The following CCDC40 variants were observed in gnomAD, a reference collection of about 807,000 sequenced individuals.
CCDC40 encodes the protein coiled-coil domain 40 molecular ruler complex subunit.
CCDC40 carries 104 observed loss-of-function variants against 124.5 expected under a neutral mutation model. The observed-to-expected ratio is 0.84, with a 90% CI of 0.71 to 0.98. The LOEUF (loss-of-function observed/expected upper bound fraction) is 0.98, where lower values mean the gene tolerates loss of function less well. Among genes scored for constraint, CCDC40 ranks in the 50% least tolerant of loss-of-function variants. The probability of loss-of-function intolerance (pLI) is 0.00; values close to 1 mark genes in which losing one functional copy is unlikely to be tolerated. For synonymous variants in CCDC40, 580 were observed against 602.9 expected, an observed-to-expected ratio of 0.96 and a Z score of 0.56; for missense variants, 1,463 against 1,503.9, an observed-to-expected ratio of 0.97 and a Z score of 0.45.
At chr17:80,091,944 T>A (rs935722852) in intron 17 of CCDC40, 5 of 152,074 alleles carry the variant, frequency 3.3e-5, no homozygotes, top group African/African-American at 7.2e-5. Context: ...TTTTTTTTTT[T>A]AATTGAGGTT....
chr17:80,089,660 C>G (rs2038661367), intron 16 of CCDC40, 104 bp from the exon 17 acceptor site: 9 of 1,386,808 alleles, frequency 6.5e-6, no homozygotes, highest in Non-Finnish European at 9.2e-6. Flanking sequence ...CTGCTTGGCT[C>G]TGCCATTGCA....
At chr17:80,083,219 AG>A (rs1216969910) in intron 12 of CCDC40, among the ~76,000 whole-genome samples, 2 of 140,066 alleles carry the variant, frequency 1.4e-5, no homozygotes, top group African/African-American at 5.4e-5. Context: ...GCAGTTGGGG[AG>A]GGGGGAGGCA....
At chr17:80,079,764 A>C (rs2038403127) in intron 10 of CCDC40, among the ~76,000 whole-genome samples, 1 of 45,278 alleles carries the variant, frequency 2.2e-5, no homozygotes, top group Non-Finnish European at 4.2e-5. Flanking sequence ...TCTACTAAAA[A>C]TACAAAAAAA....
At chr17:80,054,711 C>T (rs571768468) in intron 7 of CCDC40, among the ~76,000 whole-genome samples, 51 of 152,316 alleles carry the variant, frequency 3.3e-4, no homozygotes, top group Middle Eastern at 3.4e-3. Context: ...TGGTGGCTCA[C>T]GCCTGTAATC....
In CCDC40 at chr17:80,087,619, A is replaced by G. The variant is rs1199832108; in HGVS notation, c.2462A>G (p.Gln821Arg). Residue 821 changes from glutamine to arginine, a missense_variant, in exon 15 of 20, where the codon CAG becomes CGG. Physicochemically the swap from Gln to Arg is conservative, Grantham distance 43. Coordinates refer to ENST00000397545, the MANE Select transcript of CCDC40 (RefSeq NM_017950.4). The surrounding 1 kb of genome is among the most constrained non-coding windows in gnomAD (Gnocchi z 4.5). ...KKLRVESKIEQEKKEQKEIEH... is the reference protein window; with the variant it reads ...KKLRVESKIEREKKEQKEIEH... ...TTTTCTGCCATAGGCAAGATTGAGC[A>G]GGAGAAGAAGGAGCAGAAGGAGATC... 1.8e-5 allele frequency: 29 copies of G among 1,614,142 alleles called. No individual in the cohort carries two copies. Among genetic ancestry groups the G allele is most frequent in the African/African-American group, 2.7e-5 (2 of 75,064 alleles).
At chr17:80,047,486 G>A in intron 4 of CCDC40, 84 bp downstream of exon 4, 1 of 1,428,838 alleles carries the variant, frequency 7.0e-7, no homozygotes, top group East Asian at 2.4e-5. Flanking sequence ...CCACTCGTTT[G>A]TCATCCGTTA....
chr17:80,092,613 C>T (rs1235483423), intron 17 of CCDC40, among the ~76,000 whole-genome samples: 2 of 152,110 alleles, frequency 1.3e-5, no homozygotes, highest in African/African-American at 4.8e-5. Context: ...ATTACCCAGT[C>T]TGTTCTCTTT....
intron 10 of CCDC40, among the ~76,000 whole-genome samples, chr17:80,073,939 G>A (rs966648680): frequency 2.6e-5 from 4 of 151,984 alleles, no homozygotes; most frequent in African/African-American, 9.7e-5. Flanking sequence ...GCCTGCCTCG[G>A]CCTCCCAAAG....
At chr17:80,095,946 C>A (rs4514704) in intron 18 of CCDC40, among the ~76,000 whole-genome samples, 109,627 of 152,188 alleles carry the variant, frequency 0.72, 39,795 homozygotes, top group Middle Eastern at 0.86. Flanking sequence ...ATCCGCATAC[C>A]CCAGGCCATG....
chr17:80,067,671 C>T (rs987502742), intron 10 of CCDC40: 26 of 1,535,850 alleles, frequency 1.7e-5, no homozygotes, highest in African/African-American at 6.8e-5. Flanking sequence ...TAACCGGATC[C>T]GCGAATGCTA....
Position 80,084,800 on chromosome 17 carries a change from C to G in CCDC40, c.2047C>G (p.His683Asp), listed in dbSNP as rs773981691. 5.6e-6 allele frequency: 9 copies of G among 1,614,182 alleles called. No homozygotes were observed. Among genetic ancestry groups the G allele is most frequent in the South Asian group, 1.1e-5 (1 of 91,082 alleles). The change falls in exon 13 of 20, where the codon CAC becomes GAC. Residue 683 changes from histidine to aspartate, a missense_variant. Transcript: ENST00000397545. ...TGCCCAGACCACCCTGGACATCACA[C>G]ACACCAGCAGCAGGCTGGACGCACA... ...DIAQTTLDITHTSSRLDAHQK... is the reference protein window; with the variant it reads ...DIAQTTLDITDTSSRLDAHQK...
At position 80,099,901 on chromosome 17, in the gene CCDC40, G is replaced by C. The variant is rs1442212635; in HGVS notation, c.*126G>C. The stretch of plus-strand genomic sequence containing the variant: ...GTACCCTCAGAAGGGCATCGTTTAA[G>C]AGAAATAAGCCAGCCCCACCCATAG... On this transcript the variant is annotated 3_prime_UTR_variant, in exon 20 of 20. Coordinates refer to ENST00000397545, the MANE Select transcript of CCDC40 (RefSeq NM_017950.4). 4.3e-5 allele frequency: 46 copies of C among 1,077,286 alleles called. No individual in the cohort carries two copies. Among genetic ancestry groups the C allele is most frequent in the Non-Finnish European group, 5.7e-5 (42 of 739,424 alleles). The allele number at this position is 1,077,286 out of a possible 1,614,324, so 66.7% of individuals were successfully genotyped here.
At chr17:80,037,430 C>T (rs2143559397) in intron 1 of CCDC40, among the ~76,000 whole-genome samples, 1 of 151,888 alleles carries the variant, frequency 6.6e-6, no homozygotes. Context: ...TATGTATTGA[C>T]ATGGAAAGAC....
chr17:80,036,815 C>T, intron 1 of CCDC40, 124 bp downstream of exon 1: 1 of 891,820 alleles, frequency 1.1e-6, no homozygotes, highest in Middle Eastern at 2.3e-4. Context: ...CTTCCTCTCG[C>T]CTGTGTCCCT....
At chr17:80,096,622 C>T (rs2038814441) in intron 18 of CCDC40, among the ~76,000 whole-genome samples, 1 of 150,784 alleles carries the variant, frequency 6.6e-6, no homozygotes, top group Non-Finnish European at 1.5e-5. Flanking sequence ...TTCTCCAGCC[C>T]CAGGCCCTGC....
At chr17:80,081,474 T>G in intron 10 of CCDC40, 72 bp from the exon 11 acceptor site, 1 of 1,600,222 alleles carries the variant, frequency 6.2e-7, no homozygotes, top group Non-Finnish European at 8.6e-7. Flanking sequence ...CTCCCTCGTG[T>G]GGGGCGCAGC....
chr17:80,078,051 C>T (rs916444911), intron 10 of CCDC40, among the ~76,000 whole-genome samples: 2 of 152,030 alleles, frequency 1.3e-5, no homozygotes, highest in Admixed American at 6.6e-5. Context: ...AGGGTCAGGC[C>T]GGGCACAGTG....
At chr17:80,046,401 T>C (rs1444860218) in intron 3 of CCDC40, among the ~76,000 whole-genome samples, 2 of 151,852 alleles carry the variant, frequency 1.3e-5, no homozygotes, top group African/African-American at 4.8e-5. Flanking sequence ...AGTGTGGTGG[T>C]GTGCACCTGT....
chr17:80,091,186 T>C (rs1260952338), intron 17 of CCDC40, among the ~76,000 whole-genome samples: 4 of 152,192 alleles, frequency 2.6e-5, no homozygotes, highest in Admixed American at 1.3e-4. Context: ...CACAATTTAT[T>C]GATCCAGTCC....
Sources: gnomAD v4.1 joint callset for allele counts (sites outside exome capture counted in the v4.1 genomes callset) on GRCh38, gnomAD v4.1.1 for gene constraint, Gnocchi (gnomAD v3.1) non-coding constraint, MANE v1.5 for transcripts, NCBI Gene and HGNC (gene_info 2026-07-23, HGNC 2026-07-21) for gene names.